MYRIP: variants seen among roughly 807,000 people sequenced by gnomAD.
The protein encoded by MYRIP is rab effector MyRIP.
Under a neutral mutation model 98.0 loss-of-function variants are expected in MYRIP, and 49 were observed. The observed-to-expected ratio is 0.50, with a 90% CI of 0.40 to 0.63. The LOEUF is 0.63. Among genes scored for constraint, MYRIP ranks in the 30% least tolerant of loss-of-function variants. The pLI is 0.00. For synonymous variants in MYRIP, 404 were observed against 409.5 expected (o/e 0.99, Z 0.16); for missense variants, 1,004 against 1,058.2 (o/e 0.95, Z 0.71).
chr3:39,844,664 T>G (rs1447830175), intron 1 of MYRIP, among the ~76,000 whole-genome samples: 1 of 152,216 alleles, frequency 6.6e-6, no homozygotes, highest in African/African-American at 2.4e-5. Flanking sequence ...GGTCACTTTA[T>G]GTCCATAGTC....
intron 13 of MYRIP, among the ~76,000 whole-genome samples, chr3:40,246,614 A>G (rs1037453420): frequency 6.6e-6 from 1 of 152,070 alleles, no homozygotes; most frequent in Admixed American, 6.6e-5. Flanking sequence ...TTCTATCTGT[A>G]GCTATCAGTT....
At chr3:39,994,080 G>T (rs756265133) in intron 2 of MYRIP, among the ~76,000 whole-genome samples, 2 of 152,192 alleles carry the variant, frequency 1.3e-5, no homozygotes, top group African/African-American at 4.8e-5. Flanking sequence ...GGCCAAATAG[G>T]AACAGCCCCA....
chr3:39,879,692 C>G (rs1456790393), intron 1 of MYRIP, among the ~76,000 whole-genome samples: 1 of 152,134 alleles, frequency 6.6e-6, no homozygotes, highest in Non-Finnish European at 1.5e-5. Context: ...GACCCTCTAA[C>G]TTGTTGGCCT....
At chr3:39,853,191 A>G (rs1942189701) in intron 1 of MYRIP, among the ~76,000 whole-genome samples, 1 of 152,128 alleles carries the variant, frequency 6.6e-6, no homozygotes, top group Admixed American at 6.5e-5. Flanking sequence ...TATTTTTGCA[A>G]TTCCAAATTG....
Position 40,152,234 on chromosome 3 carries a change from T to C in MYRIP, c.469+1050T>C, listed in dbSNP as rs535249286. ...AAATAAAGCTTCAAAGTCATACTGTTAGCAGTTTTACAGCCCAGAGAGATA... is the reference window on the plus strand; with the variant it reads ...AAATAAAGCTTCAAAGTCATACTGTCAGCAGTTTTACAGCCCAGAGAGATA... On this transcript the variant is annotated intron_variant, in intron 4 of 16. Coordinates refer to ENST00000302541, the MANE Select transcript of MYRIP (RefSeq NM_015460.4). Among the ~76,000 whole-genome samples the C allele has an allele frequency of 4.6e-5, 7 of 152,356 alleles. No homozygotes were observed. The East Asian group carries it at 1.3e-3, about 29-fold the overall frequency.
chr3:39,938,592 A>G (rs1357542679), intron 2 of MYRIP, among the ~76,000 whole-genome samples: 1 of 152,162 alleles, frequency 6.6e-6, no homozygotes, highest in East Asian at 1.9e-4. Flanking sequence ...CCAGTAACAT[A>G]TGAGGGTTCT....
At chr3:40,013,771 A>G (rs1222634663) in intron 2 of MYRIP, among the ~76,000 whole-genome samples, 2 of 152,214 alleles carry the variant, frequency 1.3e-5, no homozygotes, top group South Asian at 4.1e-4. Flanking sequence ...ACTAAATGGA[A>G]TCAGCATCTG....
chr3:40,132,722 G>C (rs560053080), intron 3 of MYRIP, among the ~76,000 whole-genome samples: 1 of 152,366 alleles, frequency 6.6e-6, no homozygotes, highest in Admixed American at 6.5e-5. Flanking sequence ...CCAGAGGGTT[G>C]CCCCTTTACC....
intron 10 of MYRIP, among the ~76,000 whole-genome samples, chr3:40,193,529 A>G (rs1281415275): frequency 6.6e-6 from 1 of 152,230 alleles, no homozygotes; most frequent in Non-Finnish European, 1.5e-5. Context: ...TTGATTTTAT[A>G]AACAATACCG....
intron 1 of MYRIP, among the ~76,000 whole-genome samples, chr3:39,848,488 T>G (rs1942038572): frequency 6.6e-6 from 1 of 152,214 alleles, no homozygotes; most frequent in African/African-American, 2.4e-5. Flanking sequence ...CTTTTTCTGC[T>G]ATTTCAGTGG....
intron 1 of MYRIP, among the ~76,000 whole-genome samples, chr3:39,838,185 T>A (rs1468201739): frequency 2.1e-5 from 3 of 141,792 alleles, no homozygotes; most frequent in Admixed American, 7.2e-5. Context: ...TTCTTCCTAT[T>A]TGAATACCCT....
chr3:39,909,524 A>G (rs1013759917), intron 2 of MYRIP, among the ~76,000 whole-genome samples: 3 of 152,164 alleles, frequency 2.0e-5, no homozygotes, highest in African/African-American at 7.2e-5. Context: ...ATAGACAATG[A>G]GAAATAAAGA....
At chr3:40,129,759 G>A (rs1251336259) in intron 3 of MYRIP, among the ~76,000 whole-genome samples, 1 of 152,194 alleles carries the variant, frequency 6.6e-6, no homozygotes, top group Non-Finnish European at 1.5e-5. Flanking sequence ...CTCACTGGCA[G>A]CCAGGGCCTA....
At chr3:40,096,160 T>C (rs17075703) in intron 3 of MYRIP, among the ~76,000 whole-genome samples, 14,294 of 151,808 alleles carry the variant, frequency 0.094, 757 homozygotes, top group East Asian at 0.22. Context: ...CCTCTAGATA[T>C]ACCCGAGATG....
chr3:40,095,978 A>G (rs931521262), intron 3 of MYRIP, among the ~76,000 whole-genome samples: 1 of 149,600 alleles, frequency 6.7e-6, no homozygotes, highest in Non-Finnish European at 1.5e-5. Context: ...GATATACCCA[A>G]TCTCTCTCAC....
chr3:39,828,514 AG>A (rs1941340991), intron 1 of MYRIP, among the ~76,000 whole-genome samples: 1 of 151,992 alleles, frequency 6.6e-6, no homozygotes, highest in Non-Finnish European at 1.5e-5. Context: ...ATTGGGGTAC[AG>A]GTGGTATTTG....
intron 12 of MYRIP, among the ~76,000 whole-genome samples, chr3:40,243,254 C>A (rs1953082304): frequency 6.6e-6 from 1 of 152,140 alleles, no homozygotes; most frequent in African/African-American, 2.4e-5. Flanking sequence ...AATTTGCTTT[C>A]ATCAAACCTG....
chr3:39,975,331 G>A (rs1392017492), intron 2 of MYRIP, among the ~76,000 whole-genome samples: 13 of 152,034 alleles, frequency 8.6e-5, no homozygotes, highest in East Asian at 1.9e-4. Context: ...CTAGGAATCC[G>A]ATTTACAAGG....
intron 11 of MYRIP, among the ~76,000 whole-genome samples, chr3:40,224,836 C>A (rs948462982): frequency 6.6e-6 from 1 of 152,216 alleles, no homozygotes. Context: ...TTATTAAGTT[C>A]ATGTTCCAAT....
Sources: gnomAD v4.1 joint callset for allele counts (sites outside exome capture counted in the v4.1 genomes callset) on GRCh38, gnomAD v4.1.1 for gene constraint, MANE v1.5 for transcripts, NCBI Gene and HGNC (gene_info 2026-07-23, HGNC 2026-07-21) for gene names.